The following SUZ12 variants were observed in gnomAD, a reference collection of about 807,000 sequenced individuals.
SUZ12 encodes polycomb protein SUZ12.
SUZ12 carries 17 observed loss-of-function variants against 87.3 expected under a neutral mutation model. The observed-to-expected ratio is 0.19, with a 90% CI of 0.13 to 0.29. The LOEUF is 0.29. Among genes scored for constraint, SUZ12 ranks in the 10% least tolerant of loss-of-function variants. SUZ12 has a pLI of 1.00. For synonymous variants in SUZ12, 253 were observed against 312.4 expected (o/e 0.81, Z 2.01); for missense variants, 526 against 912.2 (o/e 0.58, Z 5.45).
chr17:31,989,310 A>T (rs1358904100), intron 10 of SUZ12, among the ~76,000 whole-genome samples: 1 of 152,138 alleles, frequency 6.6e-6, no homozygotes, highest in Admixed American at 6.5e-5. Context: ...TATTAAGTGT[A>T]AAGTCTTGTG....
intron 4 of SUZ12, among the ~76,000 whole-genome samples, chr17:31,960,831 C>G (rs1235758870): frequency 1.3e-5 from 2 of 152,072 alleles, no homozygotes; most frequent in Non-Finnish European, 2.9e-5. Context: ...CCCCCTGCCT[C>G]CTTCCCAAAG....
At chr17:31,941,256 TG>T (rs1160902690) in intron 3 of SUZ12, among the ~76,000 whole-genome samples, 1 of 150,770 alleles carries the variant, frequency 6.6e-6, no homozygotes, top group Non-Finnish European at 1.5e-5. Flanking sequence ...GTTGTTGTTT[TG>T]TTTTTGGTGT....
chr17:31,965,196 A>C (rs541882073), intron 4 of SUZ12, among the ~76,000 whole-genome samples: 1 of 152,212 alleles, frequency 6.6e-6, no homozygotes, highest in Non-Finnish European at 1.5e-5. Flanking sequence ...GTGCCCAGCA[A>C]CTATTTCATT....
At chr17:31,998,054 A>C (rs1910071603) in intron 15 of SUZ12, among the ~76,000 whole-genome samples, 1 of 151,846 alleles carries the variant, frequency 6.6e-6, no homozygotes, top group African/African-American at 2.4e-5. Context: ...CCTGGGCAAC[A>C]CAGTGAAACC....
chr17:31,945,033 G>T (rs146915692), intron 3 of SUZ12, among the ~76,000 whole-genome samples: 181 of 133,694 alleles, frequency 1.4e-3, no homozygotes, highest in African/African-American at 5.0e-3. Context: ...GTGCACTCTA[G>T]CCTGGGCAGT....
chr17:31,988,628 T>C, intron 10 of SUZ12, 131 bp downstream of exon 10: 1 of 952,654 alleles, frequency 1.0e-6, no homozygotes, highest in South Asian at 2.0e-5. Context: ...AGTCTTGCTC[T>C]GTTGCCCAGG....
At chr17:31,970,837 A>C (rs1216935565) in intron 5 of SUZ12, among the ~76,000 whole-genome samples, 4 of 152,090 alleles carry the variant, frequency 2.6e-5, no homozygotes, top group Admixed American at 1.3e-4. Context: ...TGTGTTGCCC[A>C]GTGCCTTAGA....
In SUZ12 at chr17:31,953,540, T is replaced by G. The variant is rs1907111031; in HGVS notation, c.455+5855T>G. Among the ~76,000 whole-genome samples the G allele has an allele frequency of 2.6e-5, 4 of 152,102 alleles. No homozygotes were observed. In the South Asian group the frequency reaches 8.3e-4, roughly 32 times the overall value. ...CTCCTGCCTCAGCCTCCTGAGTAGC[T>G]GGGACTACAGGCATGTACTGTCACA... On this transcript the variant is annotated intron_variant, in intron 4 of 15. Transcript: ENST00000322652.
intron 1 of SUZ12, among the ~76,000 whole-genome samples, chr17:31,938,552 A>G (rs1219800098): frequency 6.6e-6 from 1 of 152,206 alleles, no homozygotes; most frequent in Non-Finnish European, 1.5e-5. Context: ...TAATAGAAGG[A>G]ATTTCAGTTT....
chr17:31,996,123 T>G (rs2142218270), intron 14 of SUZ12, among the ~76,000 whole-genome samples: 1 of 151,922 alleles, frequency 6.6e-6, no homozygotes, highest in African/African-American at 2.4e-5. Flanking sequence ...GGCAGGAGAG[T>G]CGCTTAACCC....
At chr17:31,958,167 G>T (rs1250306983) in intron 4 of SUZ12, among the ~76,000 whole-genome samples, 1 of 151,786 alleles carries the variant, frequency 6.6e-6, no homozygotes. Context: ...CTCCCAAAGT[G>T]CCGGGATTGC....
At chr17:31,979,382 C>T (rs1277159498) in intron 8 of SUZ12, among the ~76,000 whole-genome samples, 2 of 152,080 alleles carry the variant, frequency 1.3e-5, no homozygotes, top group African/African-American at 4.8e-5. Flanking sequence ...AATACAAATA[C>T]AATACTATCT....
In SUZ12 at chr17:31,999,258, TA is replaced by T. The variant is rs1488687482; in HGVS notation, c.*258del. On this transcript the variant is annotated 3_prime_UTR_variant, in exon 16 of 16. Transcript: ENST00000322652. ...GAAAAGCAATATTTCAAAGTATTTT[TA>T]AACTCAACAAATGTCATCAAATATG... The T allele has an allele frequency of 1.0e-5, 3 of 295,686 alleles. No homozygotes were observed. Among genetic ancestry groups the T allele is most frequent in the Non-Finnish European group, 1.9e-5 (3 of 160,852 alleles). The allele number at this position is 295,686 out of a possible 1,614,324, so 18.3% of individuals were successfully genotyped here.
chr17:31,992,161 G>A (rs1368922464), intron 10 of SUZ12, among the ~76,000 whole-genome samples: 3 of 151,554 alleles, frequency 2.0e-5, no homozygotes, highest in Non-Finnish European at 4.4e-5. Flanking sequence ...GTGTGGTGGC[G>A]GGCGCCTGTA....
At chr17:31,953,265 C>T (rs1907093837) in intron 4 of SUZ12, among the ~76,000 whole-genome samples, 1 of 152,058 alleles carries the variant, frequency 6.6e-6, no homozygotes, top group South Asian at 2.1e-4. Context: ...GCCACCACAC[C>T]TGGCTAATTT....
Position 31,998,662 on chromosome 17 carries a change from A to G in SUZ12, c.1879A>G (p.Ile627Val), listed in dbSNP as rs1464471703. The G allele has an allele frequency of 1.9e-6, 3 of 1,544,618 alleles. No homozygotes were observed. Among genetic ancestry groups the G allele is most frequent in the South Asian group, 2.5e-5 (2 of 79,698 alleles). ...WNLHVMKHGF[I>V]ADNQMNHACM... ...TATTCTGTTTTTATTAAATAGGTTT[A>G]TTGCTGACAATCAAATGAATCATGC... is the stretch of plus-strand genomic sequence containing the variant. The change falls in exon 16 of 16, where the codon ATT becomes GTT. Residue 627 changes from isoleucine to valine, a missense_variant. By Grantham distance (29) the Ile-to-Val change is conservative. Coordinates refer to ENST00000322652, the MANE Select transcript of SUZ12 (RefSeq NM_015355.4).
intron 9 of SUZ12, among the ~76,000 whole-genome samples, chr17:31,983,616 T>G (rs1909245637): frequency 6.6e-6 from 1 of 152,180 alleles, no homozygotes; most frequent in Admixed American, 6.5e-5. Flanking sequence ...CCAGACTGCC[T>G]GATTCAAATG....
chr17:31,973,128 T>A lies in SUZ12; in HGVS notation c.506-18T>A. The A allele has an allele frequency of 6.6e-7, 1 of 1,521,902 alleles. No homozygotes were observed. Among genetic ancestry groups the A allele is most frequent in the Non-Finnish European group, 8.8e-7 (1 of 1,134,668 alleles). The allele number at this position is 1,521,902 out of a possible 1,614,324, so 94.3% of individuals were successfully genotyped here. On this transcript the variant is annotated intron_variant, in intron 5 of 15. Transcript: ENST00000322652. ...TATATTTTTTAAATATATTTTAAAATACTGATTTTCTATTTAGATAAGCCA... is the reference window on the plus strand; with the variant it reads ...TATATTTTTTAAATATATTTTAAAAAACTGATTTTCTATTTAGATAAGCCA...
At chr17:31,948,919 C>A (rs1906788011) in intron 4 of SUZ12, among the ~76,000 whole-genome samples, 1 of 152,156 alleles carries the variant, frequency 6.6e-6, no homozygotes, top group African/African-American at 2.4e-5. Context: ...AGATTCTTGT[C>A]TGGTCACCCA....
Sources: gnomAD v4.1 joint callset for allele counts (sites outside exome capture counted in the v4.1 genomes callset) on GRCh38, gnomAD v4.1.1 for gene constraint, MANE v1.5 for transcripts, NCBI Gene and HGNC (gene_info 2026-07-23, HGNC 2026-07-21) for gene names.